The following UNC5D variants were observed in gnomAD, a reference collection of about 807,000 sequenced individuals.
UNC5D encodes unc-5 netrin receptor D, also known as netrin receptor UNC5D.
In UNC5D, 39 loss-of-function variants were observed where a neutral mutation model predicts 105.4. The observed-to-expected ratio is 0.37, with a 90% CI of 0.29 to 0.48. UNC5D has a LOEUF of 0.48. Among genes scored for constraint, UNC5D ranks in the 20% least tolerant of loss-of-function variants. The pLI, the probability that UNC5D is intolerant of heterozygous loss-of-function variation, is 0.98. For synonymous variants in UNC5D, 452 were observed against 450.4 expected (o/e 1.00, Z -0.04); for missense variants, 991 against 1,202.4 (o/e 0.82, Z 2.60).
At chr8:35,263,289 A>G (rs566910381) in intron 1 of UNC5D, among the ~76,000 whole-genome samples, 2 of 152,208 alleles carry the variant, frequency 1.3e-5, no homozygotes, top group Non-Finnish European at 2.9e-5. Context: ...TAATTTATCA[A>G]ATTACAATTA....
intron 1 of UNC5D, among the ~76,000 whole-genome samples, chr8:35,426,283 T>G (rs1361755509): frequency 2.7e-4 from 41 of 152,198 alleles, no homozygotes; most frequent in Non-Finnish European, 1.5e-5. Flanking sequence ...TACTGTCCTT[T>G]GAATGGAATT....
chr8:35,651,155 C>A (rs769533896), intron 4 of UNC5D, among the ~76,000 whole-genome samples: 2 of 152,076 alleles, frequency 1.3e-5, no homozygotes, highest in Non-Finnish European at 2.9e-5. Context: ...TTTCTGATAT[C>A]TGTGTATTAT....
At chr8:35,721,469 G>A in intron 8 of UNC5D, 1 of 702,882 alleles carries the variant, frequency 1.4e-6, no homozygotes, top group Non-Finnish European at 2.6e-6. Flanking sequence ...GAGTAGGAGA[G>A]GTATGGGAGA....
intron 1 of UNC5D, among the ~76,000 whole-genome samples, chr8:35,409,079 T>A (rs1585774455): frequency 6.6e-6 from 1 of 152,244 alleles, no homozygotes; most frequent in East Asian, 1.9e-4. Flanking sequence ...ATGTGTATCA[T>A]CCTTGTTGTA....
At chr8:35,653,224 G>A (rs560979713) in intron 4 of UNC5D, among the ~76,000 whole-genome samples, 1 of 151,986 alleles carries the variant, frequency 6.6e-6, no homozygotes, top group Non-Finnish European at 1.5e-5. Flanking sequence ...CACTGAGCAT[G>A]GTTGAGGATA....
chr8:35,782,538 C>G lies in UNC5D; in HGVS notation c.2658-7821C>G, dbSNP rs1024961695. Among the ~76,000 whole-genome samples, 5 of 150,590 alleles carry G rather than the reference C, an allele frequency of 3.3e-5. No individual in the cohort carries two copies. In the East Asian group the frequency reaches 9.8e-4, roughly 30 times the overall value. On this transcript the variant is annotated intron_variant, in intron 16 of 16. Transcript: ENST00000404895. Reference sequence around the variant, plus strand: ...TTTTTTTTTGAGACGGAGTCTCACCCTGTCACCCAGGCTGGAGTGCAATGG... The same window carrying G: ...TTTTTTTTTGAGACGGAGTCTCACCGTGTCACCCAGGCTGGAGTGCAATGG...
At chr8:35,589,210 C>G (rs1219794372) in intron 3 of UNC5D, among the ~76,000 whole-genome samples, 1 of 152,092 alleles carries the variant, frequency 6.6e-6, no homozygotes, top group African/African-American at 2.4e-5. Flanking sequence ...TTTTATTTAG[C>G]ACTTAATCTG....
intron 13 of UNC5D, among the ~76,000 whole-genome samples, chr8:35,754,096 G>A (rs937620213): frequency 3.9e-5 from 6 of 152,156 alleles, no homozygotes; most frequent in Non-Finnish European, 8.8e-5. Flanking sequence ...TCTATTTTAG[G>A]AAAGCCTTAA....
intron 1 of UNC5D, chr8:35,525,174 A>G: frequency 6.2e-7 from 1 of 1,609,436 alleles, no homozygotes; most frequent in South Asian, 1.1e-5. Context: ...ATGTGTACGG[A>G]CTCAGGATGA....
chr8:35,525,629 A>G, intron 1 of UNC5D: 1 of 1,613,480 alleles, frequency 6.2e-7, no homozygotes, highest in Non-Finnish European at 8.5e-7. Flanking sequence ...TTCCACTGGA[A>G]GAGGGACATT....
At chr8:35,706,085 C>T (rs1438117441) in intron 8 of UNC5D, 124 bp downstream of exon 8, 5 of 565,992 alleles carry the variant, frequency 8.8e-6, no homozygotes, top group Non-Finnish European at 1.4e-5. Context: ...CGAGGCCTCT[C>T]CTCATTGAGT....
intron 1 of UNC5D, among the ~76,000 whole-genome samples, chr8:35,262,556 T>C (rs1804565217): frequency 6.6e-6 from 1 of 152,146 alleles, no homozygotes; most frequent in Non-Finnish European, 1.5e-5. Context: ...GAAACAGACT[T>C]TCACCCAAAC....
intron 1 of UNC5D, among the ~76,000 whole-genome samples, chr8:35,306,074 T>C (rs531050725): frequency 5.9e-5 from 9 of 152,018 alleles, no homozygotes; most frequent in Admixed American, 2.6e-4. Context: ...AACACTGCAA[T>C]AGAAGGATAG....
intron 11 of UNC5D, among the ~76,000 whole-genome samples, chr8:35,732,401 C>T (rs1351791889): frequency 6.6e-6 from 1 of 152,052 alleles, no homozygotes; most frequent in Non-Finnish European, 1.5e-5. Flanking sequence ...AGATTCTTTA[C>T]TTGTATATCT....
intron 1 of UNC5D, among the ~76,000 whole-genome samples, chr8:35,290,048 G>T (rs1438581162): frequency 6.6e-6 from 1 of 152,082 alleles, no homozygotes; most frequent in Non-Finnish European, 1.5e-5. Context: ...GTTGGGAGAG[G>T]ATATGGAGAA....
rs866967927 is a variant in UNC5D, at chr8:35,684,866, G to C, written c.919+117G>C. 1.8e-5 allele frequency: 23 copies of C among 1,307,126 alleles called. No individual in the cohort carries two copies. In the Middle Eastern group the frequency reaches 9.3e-4, roughly 53 times the overall value. 81.0% of individuals were successfully genotyped at this position (1,307,126 alleles called of 1,614,324 possible). ...TACCCTCTCCCAAGTTCTTAGAATA[G>C]AACATTTATCCAAGGTGCTAATGTA... On this transcript the variant is annotated intron_variant, in intron 6 of 16. Transcript: ENST00000404895.
intron 1 of UNC5D, among the ~76,000 whole-genome samples, chr8:35,512,187 A>G (rs1812756332): frequency 6.6e-6 from 1 of 151,878 alleles, no homozygotes; most frequent in Admixed American, 6.6e-5. Context: ...ATAAGTTCAA[A>G]AGTTTACTTT....
intron 1 of UNC5D, among the ~76,000 whole-genome samples, chr8:35,470,241 AT>A (rs1809604966): frequency 6.6e-6 from 1 of 152,156 alleles, no homozygotes; most frequent in Non-Finnish European, 1.5e-5. Context: ...GCACCTCAGG[AT>A]GGTGTTGGGG....
chr8:35,236,563 C>T (rs991347976), intron 1 of UNC5D, among the ~76,000 whole-genome samples: 2 of 152,208 alleles, frequency 1.3e-5, no homozygotes, highest in Non-Finnish European at 2.9e-5. Flanking sequence ...GGCGCCTACT[C>T]TGGCTTGGAA....
Sources: allele counts gnomAD v4.1 joint callset (sites outside exome capture counted in the v4.1 genomes callset), GRCh38; gene constraint gnomAD v4.1.1; transcripts MANE v1.5; gene names NCBI Gene and HGNC (gene_info 2026-07-23, HGNC 2026-07-21).